The following ASIC2 variants were observed in gnomAD, a reference collection of about 807,000 sequenced individuals.
ASIC2 encodes acid-sensing ion channel 2.
Under a neutral mutation model 57.3 loss-of-function variants are expected in ASIC2, and 25 were observed. The observed-to-expected ratio is 0.44, with a 90% confidence interval of 0.32 to 0.61. The LOEUF is 0.61. Among genes scored for constraint, ASIC2 ranks in the 20% least tolerant of loss-of-function variants. The pLI is 0.06. For missense variants in ASIC2, 641 were observed against 738.1 expected (o/e 0.87, Z 1.52); for synonymous variants, 319 against 307.5 (o/e 1.04, Z -0.39).
chr17:33,782,202 T>G (rs1042371626), intron 1 of ASIC2, among the ~76,000 whole-genome samples: 5 of 152,216 alleles, frequency 3.3e-5, no homozygotes, highest in African/African-American at 4.8e-5. Context: ...CAGATAATAC[T>G]TTTGTGTATG....
intron 1 of ASIC2, among the ~76,000 whole-genome samples, chr17:34,014,029 T>G (rs1364794066): frequency 1.3e-5 from 2 of 152,140 alleles, no homozygotes; most frequent in Non-Finnish European, 2.9e-5. Flanking sequence ...GTCAACTTGG[T>G]AAAGGGAGTC....
chr17:33,689,764 G>C (rs2142062892), intron 1 of ASIC2, among the ~76,000 whole-genome samples: 1 of 152,366 alleles, frequency 6.6e-6, no homozygotes, highest in South Asian at 2.1e-4. Context: ...CCTAAGTCCA[G>C]TGACCAGTGT....
rs150869676 is a variant in ASIC2 at position 33,809,280 on chromosome 17, T to A, written c.555+346698A>T. Reference sequence around the variant, plus strand: ...CAACTGGCGTTCCAGCCCTACTTCATGTCTGAACCCCAGTGGAGTGTGTGT... The same window carrying A: ...CAACTGGCGTTCCAGCCCTACTTCAAGTCTGAACCCCAGTGGAGTGTGTGT... On this transcript the variant is annotated intron_variant, in intron 1 of 9. Coordinates refer to the ASIC2 transcript ENST00000359872. Among the ~76,000 whole-genome samples, 30 of 152,330 alleles carry A rather than the reference T, an allele frequency of 2.0e-4. 1 individual carries two copies. The East Asian group carries it at 2.1e-3, about 11-fold the overall frequency.
intron 1 of ASIC2, among the ~76,000 whole-genome samples, chr17:33,843,834 G>T (rs1913505720): frequency 6.6e-6 from 1 of 152,194 alleles, no homozygotes; most frequent in South Asian, 2.1e-4. Context: ...TACAATGAAT[G>T]CCAATGCTAT....
intron 1 of ASIC2, among the ~76,000 whole-genome samples, chr17:33,966,993 T>C (rs1291416533): frequency 6.6e-6 from 1 of 152,078 alleles, no homozygotes; most frequent in Non-Finnish European, 1.5e-5. Flanking sequence ...CCATCCACAG[T>C]GGTCCCAGTG....
intron 1 of ASIC2, among the ~76,000 whole-genome samples, chr17:33,452,627 T>C (rs1280848961): frequency 2.6e-5 from 4 of 152,170 alleles, no homozygotes; most frequent in Non-Finnish European, 4.4e-5. Flanking sequence ...TTTTAGTGCT[T>C]TGCATAATGA....
chr17:33,710,196 A>G (rs1232532625), intron 1 of ASIC2, among the ~76,000 whole-genome samples: 3 of 152,356 alleles, frequency 2.0e-5, no homozygotes, highest in Non-Finnish European at 4.4e-5. Flanking sequence ...GGCAAGAGAG[A>G]CACAACTGCC....
intron 1 of ASIC2, among the ~76,000 whole-genome samples, chr17:33,532,251 C>A (rs1915075931): frequency 6.6e-6 from 1 of 152,206 alleles, no homozygotes; most frequent in Non-Finnish European, 1.5e-5. Flanking sequence ...ACCCATTTTC[C>A]TAAGCATCTC....
Position 33,116,854 on chromosome 17 carries a change from AT to A in ASIC2, c.709-4788del, listed in dbSNP as rs992193487. ...ATTGGCACAGTCATAGTTTTATATAATTTTTTTTTTTTTGAGACAGGGCCTT... is the reference window on the plus strand; with the variant it reads ...ATTGGCACAGTCATAGTTTTATATAATTTTTTTTTTTTGAGACAGGGCCTT... On this transcript the variant is annotated intron_variant, in intron 1 of 9. Transcript: ENST00000225823. Among the ~76,000 whole-genome samples the A allele has an allele frequency of 2.3e-3, 333 of 145,552 alleles. 1 individual carries two copies. The highest frequency in any genetic ancestry group is 4.2e-3 in the African/African-American group (169 of 39,906).
intron 1 of ASIC2, among the ~76,000 whole-genome samples, chr17:33,663,303 T>C (rs1907354717): frequency 6.6e-6 from 1 of 152,174 alleles, no homozygotes; most frequent in African/African-American, 2.4e-5. Flanking sequence ...CAATGTTGCC[T>C]CCCTCTAAGA....
At chr17:33,376,651 G>A (rs1033175505) in intron 1 of ASIC2, among the ~76,000 whole-genome samples, 1 of 152,130 alleles carries the variant, frequency 6.6e-6, no homozygotes, top group African/African-American at 2.4e-5. Context: ...AAACTACTGC[G>A]AAAGTTCACA....
chr17:33,530,433 C>G (rs970373518), intron 1 of ASIC2, among the ~76,000 whole-genome samples: 2 of 152,238 alleles, frequency 1.3e-5, no homozygotes, highest in Non-Finnish European at 2.9e-5. Flanking sequence ...CCATGGCAAG[C>G]AAGGGGAAGT....
intron 1 of ASIC2, among the ~76,000 whole-genome samples, chr17:33,757,191 G>A (rs1056255702): frequency 3.9e-5 from 6 of 152,206 alleles, no homozygotes; most frequent in Non-Finnish European, 5.9e-5. Context: ...GGAGGAGAAC[G>A]AGGAGTGAGA....
chr17:34,102,790 A>T (rs1910912418), intron 1 of ASIC2, among the ~76,000 whole-genome samples: 1 of 152,216 alleles, frequency 6.6e-6, no homozygotes. Context: ...ACATTTTCAT[A>T]CGGTACTTTT....
intron 1 of ASIC2, among the ~76,000 whole-genome samples, chr17:33,784,026 A>G (rs1911532472): frequency 6.6e-6 from 1 of 152,206 alleles, no homozygotes; most frequent in African/African-American, 2.4e-5. Context: ...TGGGTGGAAT[A>G]TGGTGCAACC....
intron 1 of ASIC2, among the ~76,000 whole-genome samples, chr17:33,256,457 C>T (rs1909077822): frequency 6.6e-6 from 1 of 152,060 alleles, no homozygotes; most frequent in African/African-American, 2.4e-5. Context: ...ATTTTTTTTA[C>T]ACTCTGCATT....
intron 1 of ASIC2, among the ~76,000 whole-genome samples, chr17:33,177,525 AG>A (rs1407562440): frequency 6.6e-6 from 1 of 152,174 alleles, no homozygotes; most frequent in Non-Finnish European, 1.5e-5. Flanking sequence ...GGTGAGCTGG[AG>A]GTGGGTGCCC....
chr17:33,890,016 C>T (rs1177096750), intron 1 of ASIC2, among the ~76,000 whole-genome samples: 2 of 152,194 alleles, frequency 1.3e-5, no homozygotes, highest in East Asian at 1.9e-4. Context: ...ATGACCCCAG[C>T]ATGGAGCTCC....
chr17:33,169,822 TACATTC>T (rs745317197), intron 1 of ASIC2, among the ~76,000 whole-genome samples: 11 of 152,236 alleles, frequency 7.2e-5, no homozygotes, highest in Non-Finnish European at 1.2e-4. Flanking sequence ...CTGGTCTCAG[TACATTC>T]CTAGCCCTCA....
Sources: gnomAD v4.1 joint callset for allele counts (sites outside exome capture counted in the v4.1 genomes callset) on GRCh38, gnomAD v4.1.1 for gene constraint, MANE v1.5 for transcripts, NCBI Gene and HGNC (gene_info 2026-07-23, HGNC 2026-07-21) for gene names.